CDH6: variants seen among roughly 807,000 people sequenced by gnomAD.
CDH6 encodes the protein cadherin-6.
A neutral mutation model predicts 78.0 loss-of-function variants in CDH6; 31 were observed. The observed-to-expected ratio is 0.40, with a 90% CI of 0.30 to 0.54. CDH6 has a LOEUF of 0.54. CDH6 is among the 20% of genes least tolerant of loss of function. The pLI is 0.56. For synonymous variants in CDH6, 376 were observed against 368.8 expected (o/e 1.02, Z -0.23); for missense variants, 724 against 975.9 (o/e 0.74, Z 3.44).
chr5:31,272,155 T>C (rs893803594), intron 2 of CDH6, among the ~76,000 whole-genome samples: 37 of 152,270 alleles, frequency 2.4e-4, no homozygotes, highest in African/African-American at 8.7e-4. Context: ...TAGCTTATAC[T>C]GCAGAGGGAG....
intron 2 of CDH6, among the ~76,000 whole-genome samples, chr5:31,283,651 A>G (rs947463991): frequency 1.3e-5 from 2 of 152,156 alleles, no homozygotes; most frequent in African/African-American, 4.8e-5. Flanking sequence ...TGAAGATAAA[A>G]TATTTACACC....
At chr5:31,215,265 C>T (rs541857823) in intron 1 of CDH6, among the ~76,000 whole-genome samples, 8 of 152,264 alleles carry the variant, frequency 5.3e-5, no homozygotes, top group African/African-American at 1.9e-4. Flanking sequence ...AGTTTCTACA[C>T]TGGTCCCTGA....
At position 31,305,338 on chromosome 5, in the gene CDH6, C is replaced by T; in HGVS notation, c.1164C>T (p.Tyr388=). 1.2e-6 allele frequency: 2 copies of T among 1,614,088 alleles called. No homozygotes were observed. Among genetic ancestry groups the T allele is most frequent in the South Asian group, 2.2e-5 (2 of 91,080 alleles). Residue 388 remains tyrosine (Y), a synonymous_variant, in exon 7 of 12, where the codon TAC becomes TAT. Coordinates refer to ENST00000265071, the MANE Select transcript of CDH6 (RefSeq NM_004932.4). ...DEPPVFSKLA[Y]ILQIREDAQI... is the part of the protein sequence containing the mutation. ...CACCTGTCTTCAGCAAACTGGCCTACATCTTACAAATAAGAGAAGATGCTC... is the reference window on the plus strand; with the variant it reads ...CACCTGTCTTCAGCAAACTGGCCTATATCTTACAAATAAGAGAAGATGCTC...
chr5:31,324,992 A>G lies in CDH6; in HGVS notation c.*1684A>G, dbSNP rs1738591515. On this transcript the variant is annotated 3_prime_UTR_variant, in exon 12 of 12. Transcript: ENST00000265071. ...TAGGGATTTATTTTCAATTAATATT[A>G]ATTTTCTACAAATAATTTTAGTGTC... 1 of 205,916 alleles carries G rather than the reference A, an allele frequency of 4.9e-6. No homozygotes were observed. Among genetic ancestry groups the G allele is most frequent in the African/African-American group, 2.3e-5 (1 of 43,896 alleles). The allele number at this position is 205,916 out of a possible 1,614,324, so 12.8% of individuals were successfully genotyped here.
chr5:31,259,074 T>A (rs562863602), intron 1 of CDH6, among the ~76,000 whole-genome samples: 1 of 152,358 alleles, frequency 6.6e-6, no homozygotes, highest in East Asian at 1.9e-4. Flanking sequence ...CGAAAGCACC[T>A]TTGTGATGGG....
chr5:31,298,576 A>T (rs900537002), intron 4 of CDH6, among the ~76,000 whole-genome samples: 3 of 152,216 alleles, frequency 2.0e-5, no homozygotes, highest in Admixed American at 6.5e-5. Flanking sequence ...TAAAAATTTT[A>T]AAAAAGATAT....
intron 10 of CDH6, 80 bp from the exon 11 acceptor site, chr5:31,317,593 A>G (rs562894191): frequency 4.5e-5 from 70 of 1,550,626 alleles, no homozygotes; most frequent in Non-Finnish European, 5.6e-5. Flanking sequence ...CTGTATCTAT[A>G]TCTATCTTTT....
In CDH6 at chr5:31,253,578, C is replaced by A. The variant is rs140003458; in HGVS notation, c.-128-13768C>A. ...ATCTCCTTTCTAAGGGCACTAATCT[C>A]ATTCATGAAGGCAATGCCCTCATGA... On this transcript the variant is annotated intron_variant, in intron 1 of 11. Coordinates refer to ENST00000265071, the MANE Select transcript of CDH6 (RefSeq NM_004932.4). Among the ~76,000 whole-genome samples the A allele has an allele frequency of 3.0e-3, 462 of 152,284 alleles. 3 individuals are homozygous for A. The highest frequency in any genetic ancestry group is 0.01 in the African/African-American group (416 of 41,538).
chr5:31,257,324 G>A (rs1341927337), intron 1 of CDH6, among the ~76,000 whole-genome samples: 1 of 152,060 alleles, frequency 6.6e-6, no homozygotes. Context: ...CACCACGCTC[G>A]GCTAATTTTT....
rs58085301 is a variant in CDH6 at position 31,218,094 on chromosome 5, T to C, written c.-129+24208T>C. Among the ~76,000 whole-genome samples, 1,246 of 152,282 alleles carry C rather than the reference T, an allele frequency of 8.2e-3. 21 individuals are homozygous for C. The highest frequency in any genetic ancestry group is 0.028 in the African/African-American group (1,179 of 41,566). ...ACTAAAAATGGCATTATTATTATAA[T>C]ACATTTGAAATTCCAGAACAGTTAA... is the stretch of plus-strand genomic sequence containing the variant. On this transcript the variant is annotated intron_variant, in intron 1 of 11. Transcript: ENST00000265071.
chr5:31,201,670 A>G (rs1039902196), intron 1 of CDH6, among the ~76,000 whole-genome samples: 5 of 152,196 alleles, frequency 3.3e-5, no homozygotes, highest in African/African-American at 9.6e-5. Flanking sequence ...TTAATGTTCC[A>G]TGAAATCCAA....
chr5:31,213,898 A>G (rs1286097982), intron 1 of CDH6, among the ~76,000 whole-genome samples: 1 of 152,080 alleles, frequency 6.6e-6, no homozygotes, highest in Admixed American at 6.6e-5. Context: ...CTGAAAAATG[A>G]TTGCTAAACA....
intron 1 of CDH6, among the ~76,000 whole-genome samples, chr5:31,221,480 T>C (rs900283673): frequency 1.3e-5 from 2 of 152,240 alleles, no homozygotes; most frequent in Non-Finnish European, 2.9e-5. Flanking sequence ...TTCAAAAAAC[T>C]TATTTCATTG....
In CDH6 at chr5:31,324,371, G is replaced by T. The variant is rs1579920163; in HGVS notation, c.*1063G>T. On this transcript the variant is annotated 3_prime_UTR_variant, in exon 12 of 12. Coordinates refer to ENST00000265071, the MANE Select transcript of CDH6 (RefSeq NM_004932.4). ...CTCACTCTAGGAGTTCAGTGGAGAG[G>T]TTAGAGCCAGCCACACTTGAACCTA... The T allele has an allele frequency of 4.7e-6, 1 of 214,616 alleles. No individual in the cohort carries two copies. The highest frequency in any genetic ancestry group is 9.4e-6 in the Non-Finnish European group (1 of 106,494). The allele number at this position is 214,616 out of a possible 1,614,324, so 13.3% of individuals were successfully genotyped here. A position where few individuals can be genotyped will look rare whatever the true frequency, so the allele number is the denominator to read the frequency against.
intron 1 of CDH6, chr5:31,249,867 G>A (rs767690926): frequency 2.3e-4 from 35 of 152,362 alleles, no homozygotes; most frequent in Non-Finnish European, 4.0e-4. Flanking sequence ...AACACTTCAC[G>A]CAGCTTTCTT....
intron 1 of CDH6, among the ~76,000 whole-genome samples, chr5:31,237,145 A>G (rs370086303): frequency 2.4e-4 from 37 of 151,512 alleles, no homozygotes; most frequent in African/African-American, 8.4e-4. Context: ...AGGTTAATGT[A>G]AGGAATAATA....
intron 1 of CDH6, among the ~76,000 whole-genome samples, chr5:31,206,117 A>G (rs1411040766): frequency 6.6e-6 from 1 of 151,634 alleles, no homozygotes; most frequent in Non-Finnish European, 1.5e-5. Context: ...ATGTACTGAG[A>G]TCATAGAATA....
chr5:31,328,254 C>T lies in CDH6; in HGVS notation c.*4946C>T, dbSNP rs2909558. 0.99 allele frequency: 181,425 copies of T among 184,130 alleles called. 89,435 individuals are homozygous for T. The highest frequency in any genetic ancestry group is 1 in the Middle Eastern group (512 of 512). 11.4% of individuals were successfully genotyped at this position (184,130 alleles called of 1,614,324 possible). A position where few individuals can be genotyped will look rare whatever the true frequency, so the allele number is the denominator to read the frequency against. On this transcript the variant is annotated 3_prime_UTR_variant, in exon 12 of 12. Coordinates refer to ENST00000265071, the MANE Select transcript of CDH6 (RefSeq NM_004932.4). ...CCTCAAATGGGGTTAATCTGACAAA[C>T]GAGGCATGGACCCAGCCTTGTGGAA...
Position 31,317,434 on chromosome 5 carries a change from G to C in CDH6, c.1572G>C (p.Ser524=). The C allele has an allele frequency of 6.2e-7, 1 of 1,613,282 alleles. No individual in the cohort carries two copies. The highest frequency in any genetic ancestry group is 1.1e-5 in the South Asian group (1 of 91,038). ...ACCCTTATAGTGGACACCAATTTTC[G>C]TTTTCCTTGGCCCCTGAAGCAGCCA... The part of the protein sequence containing the change: ...KDDPYSGHQF[S]FSLAPEAASG... Residue 524 remains serine (S), a synonymous_variant, in exon 10 of 12, where the codon TCG becomes TCC. Coordinates refer to ENST00000265071, the MANE Select transcript of CDH6 (RefSeq NM_004932.4).
Sources: gnomAD v4.1 joint callset for allele counts (sites outside exome capture counted in the v4.1 genomes callset) on GRCh38, gnomAD v4.1.1 for gene constraint, MANE v1.5 for transcripts, NCBI Gene and HGNC (gene_info 2026-07-23, HGNC 2026-07-21) for gene names.